Variants in SOCS7 observed in about 807,000 individuals in gnomAD.
SOCS7 encodes suppressor of cytokine signaling 7, also known as NAP-4.
In SOCS7, 18 loss-of-function variants were observed where a neutral mutation model predicts 58.9. The observed-to-expected ratio is 0.31, with a 90% CI of 0.21 to 0.45. SOCS7 has a LOEUF of 0.45. Among genes scored for constraint, SOCS7 ranks in the 20% least tolerant of loss-of-function variants. SOCS7 has a pLI of 1.00. For synonymous variants in SOCS7, 388 were observed against 364.3 expected, an observed-to-expected ratio of 1.06 and a Z score of -0.74; for missense variants, 667 against 837.3, an observed-to-expected ratio of 0.80 and a Z score of 2.51.
In SOCS7 at chr17:38,395,316, A is replaced by G. The variant is rs757237424; in HGVS notation, c.1689A>G (p.Pro563=). Residue 563 remains proline, a synonymous_variant, in exon 8 of 10, where the codon CCA becomes CCG. Transcript: ENST00000612932. ...TTGTTTTCTTTCTTGAAGGACTGCC[A>G]CCAACTCCTGTCCAGCTGCTCTATC... is the stretch of plus-strand genomic sequence containing the variant. ...YFLRSRVPGL[P]PTPVQLLYPV... The G allele has an allele frequency of 1.1e-5, 17 of 1,613,774 alleles. No homozygotes were observed. The highest frequency in any genetic ancestry group is 1.4e-5 in the Non-Finnish European group (17 of 1,179,890).
At chr17:38,395,127 A>G (rs542353958) in intron 7 of SOCS7, among the ~76,000 whole-genome samples, 182 bp from the exon 8 acceptor site, 2 of 152,264 alleles carry the variant, frequency 1.3e-5, no homozygotes, top group South Asian at 2.1e-4. Context: ...TTAATTGTGA[A>G]TGTGGTGGTG....
At chr17:38,390,250 C>A (rs1475002737) in intron 7 of SOCS7, among the ~76,000 whole-genome samples, 1 of 152,032 alleles carries the variant, frequency 6.6e-6, no homozygotes, top group Non-Finnish European at 1.5e-5. Context: ...GGTTAATTTC[C>A]GGACTCAGTT....
At chr17:38,373,174 A>G (rs961427615) in intron 6 of SOCS7, among the ~76,000 whole-genome samples, 2 of 152,224 alleles carry the variant, frequency 1.3e-5, no homozygotes, top group Admixed American at 1.3e-4. Context: ...AAGTAAAGTC[A>G]TTATATGACA....
chr17:38,360,519 TTTTTTA>T (rs908156603), intron 1 of SOCS7, among the ~76,000 whole-genome samples: 1 of 149,486 alleles, frequency 6.7e-6, no homozygotes, highest in African/African-American at 2.5e-5. Flanking sequence ...TTTTTTTTAT[TTTTTTA>T]TTTTTATTTT....
At chr17:38,365,533 C>T (rs1555568188) in intron 4 of SOCS7, 124 bp downstream of exon 4, 1 of 607,844 alleles carries the variant, frequency 1.6e-6, no homozygotes, top group African/African-American at 1.9e-5. Flanking sequence ...TAAATCTTTT[C>T]CCCTTGGCTG....
chr17:38,394,534 A>G (rs1412685732), intron 7 of SOCS7, among the ~76,000 whole-genome samples: 2 of 152,176 alleles, frequency 1.3e-5, no homozygotes, highest in Non-Finnish European at 2.9e-5. Flanking sequence ...TGCTGAACCA[A>G]TTGGAATTTG....
intron 7 of SOCS7, among the ~76,000 whole-genome samples, chr17:38,389,861 G>GTACATATATATA (rs2038128520): frequency 0.048 from 113 of 2,332 alleles, 2 homozygotes; most frequent in African/African-American, 0.1. Flanking sequence ...TGGTGTGTAT[G>GTACATATATATA]TGTGTACATA....
chr17:38,356,993 G>GT (rs1266494053), intron 1 of SOCS7, among the ~76,000 whole-genome samples: 1 of 152,158 alleles, frequency 6.6e-6, no homozygotes, highest in South Asian at 2.1e-4. Context: ...TTCAAGATTT[G>GT]TTTTTTACCA....
At position 38,396,009 on chromosome 17, in the gene SOCS7, T is replaced by C. The variant is rs751615957; in HGVS notation, c.*30+11T>C. 6.4e-7 allele frequency: 1 copy of C among 1,556,778 alleles called. No homozygotes were observed. Among genetic ancestry groups the C allele is most frequent in the Admixed American group, 2.2e-5 (1 of 46,096 alleles). ...TGGTCACCACCAAGGGTATGAGCTC[T>C]CTGCCTCACTGCCCAGCCACATTTC... On this transcript the variant is annotated intron_variant, in intron 9 of 9. Coordinates refer to ENST00000612932, the MANE Select transcript of SOCS7 (RefSeq NM_014598.4).
At chr17:38,376,093 A>T (rs1345198826) in intron 6 of SOCS7, 2 of 152,230 alleles carry the variant, frequency 1.3e-5, no homozygotes, top group Admixed American at 1.3e-4. Context: ...ACCAGTATTA[A>T]ACAGTGAAAT....
At chr17:38,383,926 T>TA (rs981702614) in intron 7 of SOCS7, among the ~76,000 whole-genome samples, 3 of 152,166 alleles carry the variant, frequency 2.0e-5, no homozygotes, top group Non-Finnish European at 2.9e-5. Flanking sequence ...TTATTTCACT[T>TA]ACGCTTGTGA....
chr17:38,396,943 T>C (rs1301100619), intron 9 of SOCS7, among the ~76,000 whole-genome samples: 4 of 152,232 alleles, frequency 2.6e-5, no homozygotes, highest in South Asian at 2.1e-4. Flanking sequence ...CTCTGCATGA[T>C]GGCTTTGCAG....
chr17:38,379,180 CAAAA>C (rs71138613), intron 7 of SOCS7, among the ~76,000 whole-genome samples: 1 of 121,418 alleles, frequency 8.2e-6, no homozygotes, highest in Non-Finnish European at 1.8e-5. Context: ...CAAAAAAAAA[CAAAA>C]AAAAAAAAAC....
At chr17:38,380,570 G>A (rs1334303705) in intron 7 of SOCS7, among the ~76,000 whole-genome samples, 6 of 151,372 alleles carry the variant, frequency 4.0e-5, no homozygotes, top group Admixed American at 4.0e-4. Context: ...GGCTGAGGTT[G>A]CAGTGAGCTG....
At chr17:38,360,167 C>T (rs1225431410) in intron 1 of SOCS7, among the ~76,000 whole-genome samples, 1 of 151,302 alleles carries the variant, frequency 6.6e-6, no homozygotes, top group African/African-American at 2.4e-5. Context: ...ATCATAACTT[C>T]TACCATAATC....
intron 5 of SOCS7, among the ~76,000 whole-genome samples, chr17:38,366,745 C>T (rs2037795375): frequency 6.6e-6 from 1 of 152,104 alleles, no homozygotes; most frequent in Non-Finnish European, 1.5e-5. Context: ...ATCCTCTTGC[C>T]TCTGCCTCCC....
intron 7 of SOCS7, among the ~76,000 whole-genome samples, chr17:38,387,732 A>G (rs1025401406): frequency 8.0e-6 from 1 of 124,714 alleles, no homozygotes; most frequent in African/African-American, 3.8e-5. Flanking sequence ...TATATTATAT[A>G]CATATAAAAT....
chr17:38,384,611 A>G (rs906738819), intron 7 of SOCS7, among the ~76,000 whole-genome samples: 5 of 149,234 alleles, frequency 3.4e-5, no homozygotes, highest in African/African-American at 1.2e-4. Context: ...TTTTTCTTTG[A>G]GATGGAGTCT....
chr17:38,387,129 G>GTGTGTGTGTATATATATATATATATA (rs1555570683), intron 7 of SOCS7, among the ~76,000 whole-genome samples: 1 of 64,800 alleles, frequency 1.5e-5, no homozygotes. Context: ...ATATATATAT[G>GTGTGTGTGTATATATATATATATATA]TATGTATATA....
Sources: gnomAD v4.1 joint callset for allele counts (sites outside exome capture counted in the v4.1 genomes callset) on GRCh38, gnomAD v4.1.1 for gene constraint, MANE v1.5 for transcripts, NCBI Gene and HGNC (gene_info 2026-07-23, HGNC 2026-07-21) for gene names.